AP1S2: variants seen among roughly 807,000 people sequenced by gnomAD.
The protein encoded by AP1S2 is AP-1 complex subunit sigma-2.
A neutral mutation model predicts 14.3 loss-of-function variants in AP1S2; 1 was observed. The ratio of observed to expected loss-of-function variants is 0.07; its 90% CI spans 0.02 to 0.33. The LOEUF (loss-of-function observed/expected upper bound fraction) is 0.33. Among genes scored for constraint, AP1S2 ranks in the 10% least tolerant of loss-of-function variants. The probability of loss-of-function intolerance (pLI) is 0.99; values close to 1 mark genes in which losing one functional copy is unlikely to be tolerated. For synonymous variants in AP1S2, 30 were observed against 40.5 expected, an observed-to-expected ratio of 0.74 and a Z score of 0.99; for missense variants, 30 against 117.7, an observed-to-expected ratio of 0.25 and a Z score of 3.45.
rs1934292227 is a variant in AP1S2 at position 15,854,762 on chromosome X, C to T, written c.-75G>A. The T allele has an allele frequency of 1.2e-6, 1 of 818,422 alleles. No homozygotes were observed. The highest frequency in any genetic ancestry group is 1.5e-6 in the Non-Finnish European group (1 of 677,104). The allele number at this position is 818,422 out of a possible 1,213,427, so 67.4% of individuals were successfully genotyped here. On this transcript the variant is annotated 5_prime_UTR_variant, in exon 1 of 6. Coordinates refer to ENST00000672987, the MANE Select transcript of AP1S2 (RefSeq NM_001272071.2). Reference sequence around the variant, plus strand: ...GCGGCGAAGGGGAAGCCCCTGTCGCCGTGCTGAGGAAGAGAAGCCGTGGTG... The same window carrying T: ...GCGGCGAAGGGGAAGCCCCTGTCGCTGTGCTGAGGAAGAGAAGCCGTGGTG...
chrX:15,848,730 G>C (rs1348716319), intron 2 of AP1S2, among the ~76,000 whole-genome samples: 1 of 111,817 alleles, frequency 8.9e-6, no homozygotes, highest in Non-Finnish European at 1.9e-5. Context: ...TTTTAGCACA[G>C]TGGATTAAGG....
At chrX:15,851,140 T>C (rs773639596) in intron 2 of AP1S2, among the ~76,000 whole-genome samples, 1 of 111,557 alleles carries the variant, frequency 9.0e-6, no homozygotes, top group East Asian at 2.8e-4. Context: ...CAAAACAAAA[T>C]CACCTGACTA....
chrX:15,828,187 C>T lies in AP1S2; in HGVS notation c.435+5G>A. ...TAAATTTTTGGCATCCAGTAATAAA[C>T]TTACTTTCGCATCCTAATCATGGTA... is the stretch of plus-strand genomic sequence containing the variant. On this transcript the variant is annotated splice_donor_5th_base_variant and intron_variant, in intron 5 of 5. Coordinates refer to ENST00000672987, the MANE Select transcript of AP1S2 (RefSeq NM_001272071.2). 2 of 1,116,204 alleles carry T rather than the reference C, an allele frequency of 1.8e-6. No individual in the cohort carries two copies. The highest frequency in any genetic ancestry group is 2.4e-6 in the Non-Finnish European group (2 of 846,627). The allele number at this position is 1,116,204 out of a possible 1,213,427, so 92.0% of individuals were successfully genotyped here. A position where few individuals can be genotyped will look rare whatever the true frequency, so the allele number is the denominator to read the frequency against.
chrX:15,830,452 T>A, intron 4 of AP1S2: 1 of 751,457 alleles, frequency 1.3e-6, no homozygotes, highest in Non-Finnish European at 1.6e-6. Context: ...TCAAAACACA[T>A]TTTCATAGAT....
intron 1 of AP1S2, among the ~76,000 whole-genome samples, chrX:15,853,580 A>C (rs1000420555): frequency 1.8e-5 from 2 of 112,356 alleles, no homozygotes; most frequent in African/African-American, 6.5e-5. Context: ...AAGATTCACC[A>C]CACCATCTTG....
intron 4 of AP1S2, among the ~76,000 whole-genome samples, chrX:15,844,118 C>T (rs1348930296): frequency 8.9e-6 from 1 of 112,450 alleles, no homozygotes; most frequent in East Asian, 2.8e-4. Flanking sequence ...GATGTCTATC[C>T]AGATGATGTC....
chrX:15,851,578 G>A (rs1324290484), intron 2 of AP1S2, among the ~76,000 whole-genome samples: 1 of 112,348 alleles, frequency 8.9e-6, no homozygotes, highest in African/African-American at 3.2e-5. Context: ...AAAGAAGAAA[G>A]TTTATTTCTT....
chrX:15,831,833 T>G, intron 4 of AP1S2: 7 of 706,961 alleles, frequency 9.9e-6, no homozygotes, highest in Non-Finnish European at 1.2e-5. Flanking sequence ...ACACTATATT[T>G]ACTACTAATA....
intron 4 of AP1S2, among the ~76,000 whole-genome samples, chrX:15,834,457 T>TA (rs1291064575): frequency 1.2e-4 from 4 of 32,507 alleles, no homozygotes; most frequent in African/African-American, 6.3e-4. Flanking sequence ...TATATATATA[T>TA]ATATATATAT....
chrX:15,851,680 T>C (rs1015494502), intron 2 of AP1S2, among the ~76,000 whole-genome samples: 1 of 112,163 alleles, frequency 8.9e-6, no homozygotes, highest in Non-Finnish European at 1.9e-5. Context: ...ATTAAAAAAA[T>C]TTTAGTGTTA....
chrX:15,831,338 CAT>C, intron 4 of AP1S2: 1 of 754,043 alleles, frequency 1.3e-6, no homozygotes, highest in Non-Finnish European at 1.6e-6. Flanking sequence ...ATCAAGATCA[CAT>C]ATAGAATGAA....
At chrX:15,841,417 A>G (rs1181612711) in intron 4 of AP1S2, among the ~76,000 whole-genome samples, 1 of 111,728 alleles carries the variant, frequency 9.0e-6, no homozygotes, top group Non-Finnish European at 1.9e-5. Flanking sequence ...TAAACAGAAA[A>G]ATAATGACAC....
At chrX:15,833,603 A>G in intron 4 of AP1S2, 3 of 585,451 alleles carry the variant, frequency 5.1e-6, no homozygotes, top group Non-Finnish European at 6.3e-6. Context: ...TTCCCAGTTT[A>G]GACTTCTAGG....
chrX:15,848,371 A>G (rs1422046164), intron 2 of AP1S2, among the ~76,000 whole-genome samples: 1 of 111,930 alleles, frequency 8.9e-6, no homozygotes, highest in African/African-American at 3.2e-5. Flanking sequence ...TGCATTGATA[A>G]GAGACCCAGG....
intron 2 of AP1S2, among the ~76,000 whole-genome samples, chrX:15,849,738 T>G (rs1934112019): frequency 9.0e-6 from 1 of 111,548 alleles, no homozygotes; most frequent in Admixed American, 9.5e-5. Flanking sequence ...AATCCCTTGC[T>G]GGTATTTTCC....
At position 15,854,722 on chromosome X, in the gene AP1S2, CCGGCGGCGG is replaced by C. The variant is rs769397153; in HGVS notation, c.-44_-36del. On this transcript the variant is annotated 5_prime_UTR_variant, in exon 1 of 6. Transcript: ENST00000672987. ...GGGCCGCGGGCGCGGCGGAGCTTGG[CCGGCGGCGG>C]CGGCGGCGGCGAAGGGGAAGCCCCT... is the stretch of plus-strand genomic sequence containing the variant. 2.5e-6 allele frequency: 2 copies of C among 795,587 alleles called. No individual in the cohort carries two copies. The highest frequency in any genetic ancestry group is 4.5e-5 in the South Asian group (1 of 22,239). The allele number at this position is 795,587 out of a possible 1,213,427, so 65.6% of individuals were successfully genotyped here.
At chrX:15,852,856 T>C (rs1468842271) in intron 1 of AP1S2, 19 of 748,468 alleles carry the variant, frequency 2.5e-5, no homozygotes, top group African/African-American at 6.9e-5. Context: ...CTACCTGTGC[T>C]ATACATTGCG....
chrX:15,829,095 T>C lies in AP1S2; in HGVS notation c.427-895A>G, dbSNP rs758471856. Among the ~76,000 whole-genome samples the C allele has an allele frequency of 2.7e-5, 3 of 111,073 alleles. No individual in the cohort carries two copies. The East Asian group carries it at 8.5e-4, about 31-fold the overall frequency. On this transcript the variant is annotated intron_variant, in intron 4 of 5. Coordinates refer to ENST00000672987, the MANE Select transcript of AP1S2 (RefSeq NM_001272071.2). ...ATGCGGGGAGTGGTTGGGGAAACAG[T>C]ATTAAGTTGATGGTTCTTGAAGCTC...
intron 4 of AP1S2, among the ~76,000 whole-genome samples, chrX:15,842,511 A>G (rs887739773): frequency 1.8e-5 from 2 of 112,246 alleles, no homozygotes; most frequent in Non-Finnish European, 3.8e-5. Context: ...TAAATAGACA[A>G]TGTCTCAATG....
Sources: gnomAD v4.1 joint callset for allele counts (sites outside exome capture counted in the v4.1 genomes callset) on GRCh38, gnomAD v4.1.1 for gene constraint, MANE v1.5 for transcripts, NCBI Gene and HGNC (gene_info 2026-07-23, HGNC 2026-07-21) for gene names.